The following TENM3 variants were observed in gnomAD, a reference collection of about 807,000 sequenced individuals.
The protein encoded by TENM3 is teneurin-3.
TENM3 carries 63 observed loss-of-function variants against 255.1 expected under a neutral mutation model. The observed-to-expected ratio is 0.25, with a 90% CI of 0.20 to 0.30. TENM3 has a LOEUF of 0.30. Ranked by LOEUF, TENM3 falls within the 10% of genes least tolerant of loss-of-function variation. The pLI, the probability that TENM3 is intolerant of heterozygous loss-of-function variation, is 1.00. For missense variants in TENM3, 2,929 were observed against 3,461.1 expected (o/e 0.85, Z 3.86); for synonymous variants, 1,306 against 1,322.3 (o/e 0.99, Z 0.27).
At chr4:181,867,421 A>AC in the TENM3 span, among the ~76,000 whole-genome samples, 21 of 151,762 alleles carry the variant, frequency 1.4e-4, 1 homozygote, top group South Asian at 4.0e-3. Flanking sequence ...AAAAAGTATC[A>AC]CCCCTCCCGT....
At position 182,773,894 on chromosome 4, in the gene TENM3, T is replaced by G. The variant is rs148244438; in HGVS notation, c.5068+247T>G. ...TTCCATTCCCATGTATTAAAACAAC[T>G]TCATTCCAGCCCTTCACATGCATCA... On this transcript the variant is annotated intron_variant, in intron 23 of 27. Transcript: ENST00000511685. 2.5e-3 allele frequency: 840 copies of G among 334,058 alleles called. 8 individuals are homozygous for G. Among genetic ancestry groups the G allele is most frequent in the African/African-American group, 0.017 (787 of 47,306 alleles). 20.7% of individuals were successfully genotyped at this position (334,058 alleles called of 1,614,324 possible). A position where few individuals can be genotyped will look rare whatever the true frequency, so the allele number is the denominator to read the frequency against.
Position 182,799,693 on chromosome 4 carries a change from G to A in TENM3, c.7442G>A (p.Gly2481Asp), listed in dbSNP as rs1367324464. The change falls in exon 28 of 28, where the codon GGC becomes GAC. Residue 2481 changes from glycine to aspartate, a missense_variant. Physicochemically the swap from Gly to Asp is moderately conservative, Grantham distance 94. Transcript: ENST00000511685. This position sits in a 1 kb window ranked among gnomAD's most constrained non-coding sequence, Gnocchi z 4.2. ...GTGCAGGTGAGCCGGCGCCGGGCCG[G>A]CGGCGCGCAGTCCTGGCTGTGGTTC... The part of the protein sequence containing the change: ...AEVQVSRRRA[G>D]GAQSWLWFAT... The A allele has an allele frequency of 6.5e-7, 1 of 1,549,304 alleles. No homozygotes were observed. The highest frequency in any genetic ancestry group is 8.7e-7 in the Non-Finnish European group (1 of 1,146,578).
chr4:181,812,453 A>C, the TENM3 span, among the ~76,000 whole-genome samples: 3 of 152,228 alleles, frequency 2.0e-5, no homozygotes, highest in African/African-American at 7.2e-5. Flanking sequence ...AAAATTAGTT[A>C]TGCTGATTAT....
chr4:182,544,050 A>G lies in TENM3; in HGVS notation c.512-56874A>G, dbSNP rs368393573. On this transcript the variant is annotated intron_variant, in intron 3 of 27. Transcript: ENST00000511685. ...ACTAAAATAAAGGGAAAGATAACAC[A>G]CTGTCAGTTTTCCTCTCAATGTTTC... Among the ~76,000 whole-genome samples the G allele has an allele frequency of 2.4e-4, 36 of 152,298 alleles. 1 individual carries two copies. Among genetic ancestry groups the G allele is most frequent in the African/African-American group, 8.2e-4 (34 of 41,554 alleles).
chr4:181,495,178 C>G, the TENM3 span, among the ~76,000 whole-genome samples: 3 of 152,118 alleles, frequency 2.0e-5, no homozygotes, highest in Non-Finnish European at 4.4e-5. Flanking sequence ...AGGAACTACA[C>G]AGTGGAAGAA....
At chr4:182,532,082 G>T (rs1202657758) in intron 3 of TENM3, among the ~76,000 whole-genome samples, 3 of 152,160 alleles carry the variant, frequency 2.0e-5, no homozygotes, top group African/African-American at 7.2e-5. Context: ...AATTTCTCTG[G>T]AATGGGCATT....
intron 3 of TENM3, among the ~76,000 whole-genome samples, chr4:182,394,165 C>T (rs967044505): frequency 2.0e-5 from 3 of 152,194 alleles, no homozygotes; most frequent in Non-Finnish European, 2.9e-5. Context: ...TGTGCTTGGT[C>T]TCTAACTGCT....
chr4:182,161,675 G>GTA (rs200176600), intron 1 of TENM3, among the ~76,000 whole-genome samples: 21 of 108,772 alleles, frequency 1.9e-4, no homozygotes, highest in East Asian at 3.1e-4. Context: ...ATATATATAT[G>GTA]TATATATATA....
chr4:182,237,886 T>C (rs1252544467), intron 1 of TENM3, among the ~76,000 whole-genome samples: 1 of 152,202 alleles, frequency 6.6e-6, no homozygotes. Flanking sequence ...ATATAAGAGA[T>C]TGTGGACCTG....
At chr4:182,650,251 C>T (rs1054453694) in intron 5 of TENM3, among the ~76,000 whole-genome samples, 39 of 150,078 alleles carry the variant, frequency 2.6e-4, no homozygotes, top group African/African-American at 9.5e-4. Flanking sequence ...CTGGCTTGTA[C>T]GTCTTCACCT....
the TENM3 span, among the ~76,000 whole-genome samples, chr4:181,780,364 G>C: frequency 6.6e-6 from 1 of 152,142 alleles, no homozygotes; most frequent in Non-Finnish European, 1.5e-5. Flanking sequence ...TTGTGGTTTT[G>C]ATTTGCATTT....
chr4:181,799,897 T>C, the TENM3 span, among the ~76,000 whole-genome samples: 2 of 152,108 alleles, frequency 1.3e-5, no homozygotes, highest in South Asian at 2.1e-4. Context: ...GAAGTGGGAA[T>C]TCAAAAGCCC....
chr4:181,914,739 C>G, the TENM3 span, among the ~76,000 whole-genome samples: 3 of 151,986 alleles, frequency 2.0e-5, no homozygotes, highest in East Asian at 5.8e-4. Context: ...AGCTACATCC[C>G]GAAGAAGACA....
the TENM3 span, among the ~76,000 whole-genome samples, chr4:181,560,203 CTCACTGTGGCT>C: frequency 0.32 from 48,019 of 151,750 alleles, 8,381 homozygotes; most frequent in Non-Finnish European, 0.41. Context: ...ATGCTGTCTT[CTCACTGTGGCT>C]TCACATGGCA....
the TENM3 span, among the ~76,000 whole-genome samples, chr4:182,058,902 T>C: frequency 9.2e-5 from 14 of 151,470 alleles, no homozygotes; most frequent in Non-Finnish European, 1.6e-4. Context: ...TTTTACTGTT[T>C]TTGAAGGAGC....
chr4:181,942,270 T>C, the TENM3 span, among the ~76,000 whole-genome samples: 1 of 9,432 alleles, frequency 1.1e-4, no homozygotes, highest in Non-Finnish European at 2.0e-4. Context: ...ATGTTGGGCC[T>C]TTTTTTTTTT....
intron 4 of TENM3, among the ~76,000 whole-genome samples, chr4:182,615,070 T>TG (rs201005312): frequency 6.1e-5 from 5 of 82,590 alleles, no homozygotes; most frequent in South Asian, 3.3e-4. Flanking sequence ...TATATATGTA[T>TG]TTTTTTTTTC....
intron 1 of TENM3, among the ~76,000 whole-genome samples, chr4:182,272,621 C>T (rs1046267375): frequency 6.6e-6 from 1 of 152,174 alleles, no homozygotes; most frequent in Admixed American, 6.5e-5. Flanking sequence ...CATGCCAACA[C>T]GACACTCAAG....
At chr4:181,609,782 T>A in the TENM3 span, among the ~76,000 whole-genome samples, 1 of 152,256 alleles carries the variant, frequency 6.6e-6, no homozygotes, top group Non-Finnish European at 1.5e-5. Flanking sequence ...TATTTTGTGT[T>A]TTAAAAATTT....
Sources: gnomAD v4.1 joint callset for allele counts (sites outside exome capture counted in the v4.1 genomes callset) on GRCh38, gnomAD v4.1.1 for gene constraint, Gnocchi (gnomAD v3.1) non-coding constraint, MANE v1.5 for transcripts, NCBI Gene and HGNC (gene_info 2026-07-23, HGNC 2026-07-21) for gene names.